Variants in SEMA3A observed in about 807,000 individuals in gnomAD.
The protein encoded by SEMA3A is semaphorin-3A.
SEMA3A carries 29 observed loss-of-function variants against 97.9 expected under a neutral mutation model. The observed-to-expected ratio is 0.30, with a 90% CI of 0.22 to 0.40. SEMA3A has a LOEUF of 0.40. SEMA3A is among the 10% of genes least tolerant of loss of function. SEMA3A has a pLI of 1.00. For missense variants in SEMA3A, 763 were observed against 951.3 expected (o/e 0.80, Z 2.60); for synonymous variants, 321 against 323.7 (o/e 0.99, Z 0.09).
rs146146670 is a variant in SEMA3A at position 84,072,692 on chromosome 7, T to C, written c.454-12134A>G. On this transcript the variant is annotated intron_variant, in intron 4 of 16. Transcript: ENST00000265362. The stretch of plus-strand genomic sequence containing the variant: ...TGGAATACGGAGGTGAAAGATCTAG[T>C]TGTGAATCTCAAGGAGTATACCACG... Among the ~76,000 whole-genome samples, 192 of 152,256 alleles carry C rather than the reference T, an allele frequency of 1.3e-3. 1 individual carries two copies. The East Asian group carries it at 0.015, about 12-fold the overall frequency.
rs376864960 is a variant in SEMA3A, at chr7:84,157,235, A to G, written c.113-22284T>C. On this transcript the variant is annotated intron_variant, in intron 1 of 16. Transcript: ENST00000265362. ...CTTCTGCTTTTCCAAACTTCTCATA[A>G]CAATACAATGTGTGTGTTTACATGC... 1.2e-3 allele frequency among the ~76,000 whole-genome samples: 181 copies of G among 152,286 alleles called. 5 individuals are homozygous for G. In the South Asian group the frequency reaches 0.035, roughly 30 times the overall value.
At chr7:84,344,818 A>G (rs1295737522) in intron 2 of SEMA3A, among the ~76,000 whole-genome samples, 1 of 152,208 alleles carries the variant, frequency 6.6e-6, no homozygotes, top group African/African-American at 2.4e-5. Flanking sequence ...TAGCACACTC[A>G]GCATTAAGTA....
chr7:84,171,776 C>G (rs972889098), intron 1 of SEMA3A, among the ~76,000 whole-genome samples: 7 of 151,838 alleles, frequency 4.6e-5, no homozygotes, highest in African/African-American at 1.7e-4. Context: ...AAGGGAGGAC[C>G]AAATTATTTT....
In SEMA3A at chr7:84,395,195, A is replaced by C. The variant is rs557420136; in HGVS notation, c.-245-23295T>G. Among the ~76,000 whole-genome samples the C allele has an allele frequency of 7.2e-5, 11 of 152,268 alleles. No homozygotes were observed. The East Asian group carries it at 2.1e-3, about 29-fold the overall frequency. On this transcript the variant is annotated intron_variant, in intron 1 of 3. Transcript: ENST00000424555. ...CTTTGAGAATTTATTACCGTAACAT[A>C]GTTTTCACATAGACTTGATCCTCAG...
intron 4 of SEMA3A, among the ~76,000 whole-genome samples, chr7:84,103,638 TA>T (rs1449434642): frequency 1.3e-5 from 2 of 152,092 alleles, no homozygotes; most frequent in African/African-American, 4.8e-5. Context: ...AAAAATAAAA[TA>T]TTTTTTTCTC....
chr7:83,993,362 T>A (rs1247691143), intron 12 of SEMA3A, among the ~76,000 whole-genome samples: 1 of 151,068 alleles, frequency 6.6e-6, no homozygotes, highest in East Asian at 2.0e-4. Context: ...GTCATTATGA[T>A]GTTACCTGGT....
intron 14 of SEMA3A, among the ~76,000 whole-genome samples, 167 bp downstream of exon 14, chr7:83,981,154 T>C (rs1363923470): frequency 6.6e-6 from 1 of 152,188 alleles, no homozygotes; most frequent in Non-Finnish European, 1.5e-5. Flanking sequence ...GTTTTAACTA[T>C]TTGAAGAGAA....
At chr7:84,057,805 T>C (rs1051543921) in intron 5 of SEMA3A, among the ~76,000 whole-genome samples, 1 of 150,868 alleles carries the variant, frequency 6.6e-6, no homozygotes, top group Non-Finnish European at 1.5e-5. Flanking sequence ...CTGGAGCAAA[T>C]TCATCTTGAC....
At chr7:84,062,751 C>T (rs555084864) in intron 4 of SEMA3A, among the ~76,000 whole-genome samples, 53 of 152,328 alleles carry the variant, frequency 3.5e-4, no homozygotes, top group Admixed American at 3.4e-3. Context: ...ATATCCCGCA[C>T]CTGGCTTGGA....
chr7:84,155,105 T>C (rs1244400428), intron 1 of SEMA3A, among the ~76,000 whole-genome samples: 1 of 152,012 alleles, frequency 6.6e-6, no homozygotes, highest in East Asian at 1.9e-4. Context: ...AAAGCAGCTG[T>C]TTTTCATGGA....
intron 12 of SEMA3A, among the ~76,000 whole-genome samples, chr7:84,000,534 G>A (rs6966121): frequency 0.025 from 3,760 of 152,172 alleles, 156 homozygotes; most frequent in African/African-American, 0.086. Context: ...ACTCGTTACT[G>A]TCTTTGATGC....
intron 3 of SEMA3A, among the ~76,000 whole-genome samples, chr7:84,297,526 A>G (rs1800901534): frequency 6.6e-6 from 1 of 152,182 alleles, no homozygotes; most frequent in Admixed American, 6.5e-5. Context: ...TTCAACTTTC[A>G]TAGTATAGAT....
intron 1 of SEMA3A, among the ~76,000 whole-genome samples, chr7:84,426,277 C>CAGATAGATAGATAGATAGATAGAT (rs1554384465): frequency 7.5e-6 from 1 of 132,994 alleles, no homozygotes. Context: ...GATATATAGA[C>CAGATAGATAGATAGATAGATAGAT]AGATAGATAG....
intron 5 of SEMA3A, among the ~76,000 whole-genome samples, chr7:84,059,353 T>G (rs540258622): frequency 1.3e-5 from 2 of 152,220 alleles, no homozygotes; most frequent in East Asian, 1.9e-4. Flanking sequence ...GGATTTCTTC[T>G]TAATAGAATA....
intron 7 of SEMA3A, among the ~76,000 whole-genome samples, chr7:84,013,514 C>T (rs1790969237): frequency 6.6e-6 from 1 of 151,292 alleles, no homozygotes; most frequent in Non-Finnish European, 1.5e-5. Flanking sequence ...ATGTTTTTCT[C>T]TCTTAAATGA....
intron 2 of SEMA3A, among the ~76,000 whole-genome samples, chr7:84,330,223 C>A (rs1473785687): frequency 2.0e-5 from 3 of 151,954 alleles, no homozygotes; most frequent in Non-Finnish European, 1.5e-5. Context: ...ATATAACAAA[C>A]CTGCACATGT....
intron 3 of SEMA3A, among the ~76,000 whole-genome samples, chr7:84,241,376 T>C (rs1029475281): frequency 2.0e-5 from 3 of 152,220 alleles, no homozygotes; most frequent in East Asian, 1.9e-4. Context: ...CTTTTTTTCA[T>C]ATGTTTATTG....
chr7:84,160,858 C>T (rs1192242248), intron 1 of SEMA3A, among the ~76,000 whole-genome samples: 1 of 151,722 alleles, frequency 6.6e-6, no homozygotes, highest in Non-Finnish European at 1.5e-5. Flanking sequence ...CCAGCCTGGG[C>T]AACAAGAGTG....
intron 1 of SEMA3A, among the ~76,000 whole-genome samples, chr7:84,380,796 G>T (rs1255758943): frequency 1.3e-5 from 2 of 152,064 alleles, no homozygotes; most frequent in Non-Finnish European, 2.9e-5. Flanking sequence ...CCTCTCTCTG[G>T]TCCATGCACA....
Sources: allele counts gnomAD v4.1 joint callset (sites outside exome capture counted in the v4.1 genomes callset), GRCh38; gene constraint gnomAD v4.1.1; transcripts MANE v1.5; gene names NCBI Gene and HGNC (gene_info 2026-07-23, HGNC 2026-07-21).